CNTNAP5: variants seen among roughly 807,000 people sequenced by gnomAD.
CNTNAP5 encodes contactin associated protein family member 5.
A neutral mutation model predicts 150.2 loss-of-function variants in CNTNAP5; 72 were observed. That is an observed-to-expected ratio of 0.48 (90% CI 0.40 to 0.58). The LOEUF is 0.58. Among genes scored for constraint, CNTNAP5 ranks in the 20% least tolerant of loss-of-function variants. The pLI is 0.00. For synonymous variants in CNTNAP5, 672 were observed against 619.8 expected (o/e 1.08, Z -1.25); for missense variants, 1,636 against 1,626.2 (o/e 1.01, Z -0.10).
At chr2:124,025,916 A>G (rs528983803) in intron 1 of CNTNAP5, among the ~76,000 whole-genome samples, 184 bp downstream of exon 1, 17 of 152,296 alleles carry the variant, frequency 1.1e-4, no homozygotes, top group African/African-American at 3.8e-4. Flanking sequence ...AAATGAGCCA[A>G]CCGTGCTGGA....
intron 10 of CNTNAP5, among the ~76,000 whole-genome samples, chr2:124,550,970 C>T (rs1470052816): frequency 6.6e-6 from 1 of 152,056 alleles, no homozygotes; most frequent in Admixed American, 6.6e-5. Flanking sequence ...CTTCTTGATT[C>T]TGAATGTCCT....
chr2:124,553,795 A>C (rs1695687348), intron 10 of CNTNAP5, among the ~76,000 whole-genome samples: 1 of 152,174 alleles, frequency 6.6e-6, no homozygotes, highest in South Asian at 2.1e-4. Context: ...AGAGGAAGGG[A>C]AACTAGAGGT....
At chr2:124,236,974 A>G (rs138153728) in intron 2 of CNTNAP5, among the ~76,000 whole-genome samples, 6,334 of 152,108 alleles carry the variant, frequency 0.042, 179 homozygotes, top group Non-Finnish European at 0.063. Context: ...CTAAAAGTAC[A>G]AAAAATTAGC....
At chr2:124,231,594 A>G (rs963648591) in intron 2 of CNTNAP5, among the ~76,000 whole-genome samples, 3 of 152,180 alleles carry the variant, frequency 2.0e-5, no homozygotes, top group Non-Finnish European at 2.9e-5. Context: ...AGATTTTCAG[A>G]CATCAAGGAA....
intron 16 of CNTNAP5, among the ~76,000 whole-genome samples, chr2:124,771,162 T>C (rs978871123): frequency 1.3e-5 from 2 of 152,168 alleles, no homozygotes; most frequent in African/African-American, 2.4e-5. Context: ...GTTTGTCTTT[T>C]GGCATTTCCG....
intron 12 of CNTNAP5, among the ~76,000 whole-genome samples, chr2:124,646,218 C>G (rs1214470772): frequency 6.6e-6 from 1 of 152,192 alleles, no homozygotes; most frequent in Middle Eastern, 3.2e-3. Context: ...AACGACATGT[C>G]CCAAGTTGTG....
At chr2:124,102,058 G>A (rs1016821822) in intron 1 of CNTNAP5, among the ~76,000 whole-genome samples, 4 of 152,038 alleles carry the variant, frequency 2.6e-5, no homozygotes, top group African/African-American at 9.7e-5. Context: ...TTGCAGATGT[G>A]GCTCTATGAC....
intron 4 of CNTNAP5, among the ~76,000 whole-genome samples, chr2:124,431,879 G>A (rs547598949): frequency 1.3e-5 from 2 of 152,034 alleles, no homozygotes; most frequent in Non-Finnish European, 2.9e-5. Flanking sequence ...CAGACACCTG[G>A]TGAGTAGTAG....
At chr2:124,870,786 C>T (rs1348933679) in intron 21 of CNTNAP5, among the ~76,000 whole-genome samples, 1 of 152,000 alleles carries the variant, frequency 6.6e-6, no homozygotes, top group Non-Finnish European at 1.5e-5. Flanking sequence ...ATACTGTATG[C>T]AAATTCACAG....
intron 23 of CNTNAP5, among the ~76,000 whole-genome samples, chr2:124,913,425 A>T (rs1678697103): frequency 6.6e-6 from 1 of 152,064 alleles, no homozygotes. Flanking sequence ...ACACACAGTC[A>T]GAATAAAGGG....
At chr2:124,150,911 G>A (rs1022018449) in intron 1 of CNTNAP5, among the ~76,000 whole-genome samples, 1 of 152,150 alleles carries the variant, frequency 6.6e-6, no homozygotes, top group Non-Finnish European at 1.5e-5. Flanking sequence ...CTGAAGAGTA[G>A]CGTGTGCTTT....
intron 13 of CNTNAP5, among the ~76,000 whole-genome samples, chr2:124,657,031 C>T (rs1464984969): frequency 6.6e-6 from 1 of 152,174 alleles, no homozygotes; most frequent in East Asian, 1.9e-4. Flanking sequence ...GCCCTCTGGA[C>T]ACTGCTGTTA....
intron 20 of CNTNAP5, among the ~76,000 whole-genome samples, 179 bp from the exon 21 acceptor site, chr2:124,869,496 G>C (rs1049891867): frequency 6.6e-6 from 1 of 152,120 alleles, no homozygotes; most frequent in Non-Finnish European, 1.5e-5. Context: ...AAAGAAAGGG[G>C]TATTTTATGT....
At chr2:124,684,854 A>G (rs1312302906) in intron 13 of CNTNAP5, among the ~76,000 whole-genome samples, 1 of 152,166 alleles carries the variant, frequency 6.6e-6, no homozygotes, top group Non-Finnish European at 1.5e-5. Flanking sequence ...ACTGATATTT[A>G]AGAGGTCACA....
Position 124,874,324 on chromosome 2 carries a change from A to G in CNTNAP5, c.3436+4562A>G, listed in dbSNP as rs188529174. Among the ~76,000 whole-genome samples, 35 of 152,184 alleles carry G rather than the reference A, an allele frequency of 2.3e-4. 1 individual carries two copies. Among genetic ancestry groups the G allele is most frequent in the South Asian group, 1.9e-3 (9 of 4,826 alleles). On this transcript the variant is annotated intron_variant, in intron 21 of 23. Coordinates refer to ENST00000682447, the MANE Select transcript of CNTNAP5 (RefSeq NM_001367498.1). ...GGGAAGTAATCCATTTGGAAGAGAT[A>G]ATGTTTCTGGAAACTTGCTTATTTC...
At position 124,798,425 on chromosome 2, in the gene CNTNAP5, T is replaced by C; in HGVS notation, c.3217+105T>C. ...ATTTCAACCTCAAGTTGGTCCCATCTGGGAAGCTTATTTCCAGACTTCCAG... is the reference window on the plus strand; with the variant it reads ...ATTTCAACCTCAAGTTGGTCCCATCCGGGAAGCTTATTTCCAGACTTCCAG... On this transcript the variant is annotated intron_variant, in intron 19 of 23. Coordinates refer to ENST00000682447, the MANE Select transcript of CNTNAP5 (RefSeq NM_001367498.1). The C allele has an allele frequency of 7.7e-6, 6 of 778,684 alleles. No homozygotes were observed. In the South Asian group the frequency reaches 1.0e-4, roughly 13 times the overall value. The allele number at this position is 778,684 out of a possible 1,614,324, so 48.2% of individuals were successfully genotyped here.
intron 1 of CNTNAP5, among the ~76,000 whole-genome samples, chr2:124,133,333 C>T (rs1172884275): frequency 6.6e-6 from 1 of 152,130 alleles, no homozygotes; most frequent in Admixed American, 6.5e-5. Flanking sequence ...CTATGAGAGT[C>T]CCTATAGCTT....
At chr2:124,787,664 C>A (rs538839388) in intron 17 of CNTNAP5, among the ~76,000 whole-genome samples, 1 of 152,188 alleles carries the variant, frequency 6.6e-6, no homozygotes, top group East Asian at 1.9e-4. Flanking sequence ...TCACATCCTC[C>A]CCATTTCTAA....
chr2:124,529,462 CGTGA>C (rs1231504135), intron 10 of CNTNAP5, among the ~76,000 whole-genome samples: 1 of 152,032 alleles, frequency 6.6e-6, no homozygotes, highest in Non-Finnish European at 1.5e-5. Flanking sequence ...TGTTTAGTTT[CGTGA>C]GTAAGTGGTA....
Sources: gnomAD v4.1 joint callset for allele counts (sites outside exome capture counted in the v4.1 genomes callset) on GRCh38, gnomAD v4.1.1 for gene constraint, MANE v1.5 for transcripts, NCBI Gene and HGNC (gene_info 2026-07-23, HGNC 2026-07-21) for gene names.